Variants in STARD7 observed in about 807,000 individuals in gnomAD.
STARD7 encodes the protein stAR-related lipid transfer protein 7, mitochondrial.
Under a neutral mutation model 45.3 loss-of-function variants are expected in STARD7, and 30 were observed. The ratio of observed to expected loss-of-function variants is 0.66; its 90% CI spans 0.50 to 0.90. The LOEUF is 0.90. Among genes scored for constraint, STARD7 ranks in the 40% least tolerant of loss-of-function variants. The pLI is 0.00. For synonymous variants in STARD7, 199 were observed against 183.0 expected (o/e 1.09, Z -0.70); for missense variants, 495 against 491.3 (o/e 1.01, Z -0.07).
chr2:96,197,521 GT>G (rs1683240847), intron 1 of STARD7, among the ~76,000 whole-genome samples: 2 of 152,150 alleles, frequency 1.3e-5, no homozygotes, highest in Admixed American at 6.5e-5. Context: ...TCTTTTGTCC[GT>G]TTTTTATTGG....
intron 1 of STARD7, among the ~76,000 whole-genome samples, chr2:96,205,258 A>G (rs1310094860): frequency 2.6e-5 from 4 of 152,238 alleles, no homozygotes; most frequent in Non-Finnish European, 5.9e-5. Context: ...TGCTTGATTA[A>G]TAAGACGCTA....
chr2:96,203,230 C>T (rs1683333817), intron 1 of STARD7, among the ~76,000 whole-genome samples: 1 of 152,078 alleles, frequency 6.6e-6, no homozygotes, highest in African/African-American at 2.4e-5. Flanking sequence ...GCTGCTGTGC[C>T]CAATCTTGTT....
chr2:96,201,409 T>TAAA (rs60808208), intron 1 of STARD7, among the ~76,000 whole-genome samples: 18 of 109,588 alleles, frequency 1.6e-4, no homozygotes, highest in African/African-American at 5.0e-4. Context: ...ACTCCACCTC[T>TAAA]AAAAAAAAAA....
rs369112494 is a variant in STARD7 at position 96,195,081 on chromosome 2, G to A, written c.500-74C>T. The stretch of plus-strand genomic sequence containing the variant: ...CGCCTTGTTTCTTTCACCTAGCGGC[G>A]TTTCAGATCTAAAGTACTAAGAGAT... On this transcript the variant is annotated intron_variant, in intron 2 of 7. Transcript: ENST00000337288. 1.0e-4 allele frequency: 135 copies of A among 1,325,006 alleles called. No individual in the cohort carries two copies. The African/African-American group carries it at 1.5e-3, about 15-fold the overall frequency. The allele number at this position is 1,325,006 out of a possible 1,614,324, so 82.1% of individuals were successfully genotyped here.
At chr2:96,189,036 A>G (rs56187220) in intron 6 of STARD7, among the ~76,000 whole-genome samples, 1 of 151,596 alleles carries the variant, frequency 6.6e-6, no homozygotes, top group Non-Finnish European at 1.5e-5. Context: ...TACAGCCTCC[A>G]CCTCCTGGGC....
chr2:96,187,487 A>T, intron 6 of STARD7, 186 bp from the exon 7 acceptor site: 2 of 526,050 alleles, frequency 3.8e-6, no homozygotes, highest in Non-Finnish European at 6.8e-6. Context: ...GTCTCCTTGC[A>T]ATGTTGACCC....
intron 1 of STARD7, among the ~76,000 whole-genome samples, chr2:96,203,969 CAA>C (rs397786521): frequency 2.0e-5 from 3 of 149,392 alleles, no homozygotes; most frequent in Non-Finnish European, 3.0e-5. Context: ...CCATACCCCC[CAA>C]AAAAAGACAT....
Position 96,208,511 on chromosome 2 carries a change from G to C in STARD7, c.-77C>G. On this transcript the variant is annotated 5_prime_UTR_variant, in exon 1 of 8. Transcript: ENST00000337288. ...CGGAGGGGCGCAGGCGGTGGTCGCAGCGTCCCCCTAAATGGCCGGCCACGA... is the reference window on the plus strand; with the variant it reads ...CGGAGGGGCGCAGGCGGTGGTCGCACCGTCCCCCTAAATGGCCGGCCACGA... The C allele has an allele frequency of 5.5e-6, 7 of 1,276,994 alleles. No homozygotes were observed. The highest frequency in any genetic ancestry group is 7.0e-6 in the Non-Finnish European group (7 of 996,542). The allele number at this position is 1,276,994 out of a possible 1,614,324, so 79.1% of individuals were successfully genotyped here.
chr2:96,198,929 C>G (rs190577622), intron 1 of STARD7, among the ~76,000 whole-genome samples: 309 of 152,270 alleles, frequency 2.0e-3, no homozygotes, highest in Non-Finnish European at 3.4e-3. Context: ...TGTCATTTGT[C>G]GAAAAGCCTA....
chr2:96,208,425 G>A lies in STARD7; in HGVS notation c.10C>T (p.Arg4Trp), dbSNP rs1337801102. Residue 4 changes from arginine (R) to tryptophan (W), a missense_variant, in exon 1 of 8, where the codon CGG (arginine) becomes TGG (tryptophan). By Grantham distance (101) the Arg-to-Trp change is moderately radical (BLOSUM62 -3). Coordinates refer to ENST00000337288, the MANE Select transcript of STARD7 (RefSeq NM_020151.4). MLPRRLLAAWLAGT... is the reference protein window; with the variant it reads MLPWRLLAAWLAGT... ...GCCAGCCAGGCGGCCAGCAGCCTCC[G>A]CGGGAGCATGCCGCCTCCCGCAGGG... 2 of 1,383,682 alleles carry A rather than the reference G, an allele frequency of 1.4e-6. No homozygotes were observed. The highest frequency in any genetic ancestry group is 1.7e-5 in the South Asian group (1 of 59,974). 85.7% of individuals were successfully genotyped at this position (1,383,682 alleles called of 1,614,324 possible). A position where few individuals can be genotyped will look rare whatever the true frequency, so the allele number is the denominator to read the frequency against.
chr2:96,191,418 CT>C (rs1683124024), intron 6 of STARD7, among the ~76,000 whole-genome samples: 1 of 152,108 alleles, frequency 6.6e-6, no homozygotes, highest in East Asian at 1.9e-4. Context: ...TAAAAACCCC[CT>C]ACCTTGGCTC....
chr2:96,191,126 C>A (rs1020010011), intron 6 of STARD7, among the ~76,000 whole-genome samples: 2 of 152,192 alleles, frequency 1.3e-5, no homozygotes, highest in Admixed American at 6.5e-5. Flanking sequence ...GATTGTACCA[C>A]TGCACACTAG....
Position 96,186,551 on chromosome 2 carries a change from G to A in STARD7, c.*179C>T, listed in dbSNP as rs1683039953. The A allele has an allele frequency of 4.3e-6, 2 of 466,184 alleles. No homozygotes were observed. Among genetic ancestry groups the A allele is most frequent in the Non-Finnish European group, 7.5e-6 (2 of 268,056 alleles). The allele number at this position is 466,184 out of a possible 1,614,324, so 28.9% of individuals were successfully genotyped here. On this transcript the variant is annotated 3_prime_UTR_variant, in exon 8 of 8. Coordinates refer to ENST00000337288, the MANE Select transcript of STARD7 (RefSeq NM_020151.4). ...ACTCCCACAAATGTAGCCTTCTTCT[G>A]TTTTGATAAGAGCAATAAGGGCTCT...
In STARD7 at chr2:96,192,384, G is replaced by A. The variant is rs892448829; in HGVS notation, c.828C>T (p.His276=). The A allele has an allele frequency of 6.2e-7, 1 of 1,613,212 alleles. No homozygotes were observed. The change falls in exon 6 of 8, where the codon CAC becomes CAT. Residue 276 remains histidine (H), a synonymous_variant. Coordinates refer to ENST00000337288, the MANE Select transcript of STARD7 (RefSeq NM_020151.4). ...SYESQMVIRP[H]KSFDENGFDY... ...TAAAACTCACCTCATCAAATGACTTGTGGGGACGGATAACCATTTGGGATT... is the reference window on the plus strand; with the variant it reads ...TAAAACTCACCTCATCAAATGACTTATGGGGACGGATAACCATTTGGGATT...
intron 6 of STARD7, among the ~76,000 whole-genome samples, chr2:96,190,335 C>CTTTT (rs1253428303): frequency 7.6e-6 from 1 of 131,726 alleles, no homozygotes. Context: ...AAGTCTGTGT[C>CTTTT]TTTTTTTTTT....
chr2:96,197,109 A>ACT lies in STARD7; in HGVS notation c.291-1561_291-1560insAG, dbSNP rs1354390447. On this transcript the variant is annotated intron_variant, in intron 1 of 7. Coordinates refer to ENST00000337288, the MANE Select transcript of STARD7 (RefSeq NM_020151.4). ...AATAAAATAAAATAAAATAAAATAA[A>ACT]ATAAAATAAAATAAAGCCAAGCACA... is the stretch of plus-strand genomic sequence containing the variant. Among the ~76,000 whole-genome samples, 81 of 144,452 alleles carry ACT rather than the reference A, an allele frequency of 5.6e-4. 9 individuals are homozygous for ACT. The highest frequency in any genetic ancestry group is 5.3e-3 in the East Asian group (25 of 4,690). The allele number at this position is 144,452 out of a possible 152,430, so 94.8% of individuals were successfully genotyped here.
chr2:96,190,605 T>C (rs1216825959), intron 6 of STARD7, among the ~76,000 whole-genome samples: 1 of 152,116 alleles, frequency 6.6e-6, no homozygotes, highest in Non-Finnish European at 1.5e-5. Context: ...CCCAAAGTGC[T>C]GGGATTACAG....
In STARD7 at chr2:96,194,990, C is replaced by T; in HGVS notation, c.517G>A (p.Asp173Asn). The T allele has an allele frequency of 6.2e-7, 1 of 1,610,142 alleles. No individual in the cohort carries two copies. The highest frequency in any genetic ancestry group is 2.2e-5 in the East Asian group (1 of 44,820). Residue 173 changes from aspartate (D) to asparagine (N), a missense_variant, in exon 3 of 8, where the codon GAT becomes AAT. By Grantham distance (23) the Asp-to-Asn change is conservative. This residue lies in a region of STARD7 where 213 missense variants were observed against 271.2 expected (regional missense o/e 0.79). Transcript: ENST00000337288. ...YQYRVFGTYT[D>N]VTPRQFFNVQ... is the part of the protein sequence containing the mutation. Reference sequence around the variant, plus strand: ...TTGAAGAACTGCCGAGGTGTCACATCTGTGTAGGTTCCAAAAACTAGAATG... The same window carrying T: ...TTGAAGAACTGCCGAGGTGTCACATTTGTGTAGGTTCCAAAAACTAGAATG...
chr2:96,207,879 TTG>T (rs1683423484), intron 1 of STARD7, among the ~76,000 whole-genome samples: 1 of 152,214 alleles, frequency 6.6e-6, no homozygotes, highest in South Asian at 2.1e-4. Context: ...TTCTACAGTG[TTG>T]TTTCTTTACT....
Sources: allele counts gnomAD v4.1 joint callset (sites outside exome capture counted in the v4.1 genomes callset), GRCh38; gene constraint gnomAD v4.1.1; regional missense constraint gnomAD v4.1.1; transcripts MANE v1.5; gene names NCBI Gene and HGNC (gene_info 2026-07-23, HGNC 2026-07-21).